PLAC9: variants seen among roughly 807,000 people sequenced by gnomAD.
PLAC9 encodes placenta associated 9.
Under a neutral mutation model 11.5 loss-of-function variants are expected in PLAC9, and 12 were observed. That is an observed-to-expected ratio of 1.05 (90% confidence interval 0.67 to 1.69). The LOEUF is 1.69. Among genes scored for constraint, PLAC9 ranks in the 40% most tolerant of loss-of-function variants. The probability of loss-of-function intolerance (pLI) is 0.00; values close to 1 mark genes in which losing one functional copy is unlikely to be tolerated. For missense variants in PLAC9, 132 were observed against 130.5 expected, an observed-to-expected ratio of 1.01 and a Z score of -0.06; for synonymous variants, 62 against 58.1, an observed-to-expected ratio of 1.07 and a Z score of -0.31.
chr10:80,139,905 T>A (rs917567719), intron 1 of PLAC9, among the ~76,000 whole-genome samples: 41 of 152,174 alleles, frequency 2.7e-4, no homozygotes, highest in African/African-American at 9.4e-4. Context: ...GTCACTATTT[T>A]AATGTCTGTG....
At chr10:80,141,792 A>T (rs1371550523) in intron 1 of PLAC9, among the ~76,000 whole-genome samples, 8 of 151,622 alleles carry the variant, frequency 5.3e-5, no homozygotes, top group African/African-American at 1.7e-4. Context: ...GCTCTTTCAG[A>T]CCTCTCCATT....
chr10:80,133,407 G>A (rs1201734409), intron 1 of PLAC9, among the ~76,000 whole-genome samples: 1 of 152,228 alleles, frequency 6.6e-6, no homozygotes, highest in Non-Finnish European at 1.5e-5. Flanking sequence ...CATTGCATAA[G>A]AAGCCACACT....
At position 80,132,760 on chromosome 10, in the gene PLAC9, A is replaced by G; in HGVS notation, c.-3A>G. On this transcript the variant is annotated 5_prime_UTR_variant, in exon 1 of 4. Transcript: ENST00000372263. ...CGGCGCTGCGCTCGGCCAGGCCGGCACCATGCGGCCCCTGCTCTGCGCGCT... is the reference window on the plus strand; with the variant it reads ...CGGCGCTGCGCTCGGCCAGGCCGGCGCCATGCGGCCCCTGCTCTGCGCGCT... 1 of 1,475,398 alleles carries G rather than the reference A, an allele frequency of 6.8e-7. No homozygotes were observed. Among genetic ancestry groups the G allele is most frequent in the Non-Finnish European group, 8.9e-7 (1 of 1,121,898 alleles). 91.4% of individuals were successfully genotyped at this position (1,475,398 alleles called of 1,614,324 possible).
chr10:80,133,774 C>G (rs1369006661), intron 1 of PLAC9, among the ~76,000 whole-genome samples: 1 of 152,052 alleles, frequency 6.6e-6, no homozygotes, highest in Non-Finnish European at 1.5e-5. Context: ...GAAATGCTGT[C>G]TCTATTAAAA....
intron 2 of PLAC9, among the ~76,000 whole-genome samples, chr10:80,142,825 C>T (rs1224761666): frequency 4.6e-5 from 7 of 151,898 alleles, no homozygotes; most frequent in African/African-American, 1.7e-4. Context: ...CTCAAGCAAT[C>T]CTCCCACCTC....
At chr10:80,144,394 G>C (rs753016992) in intron 3 of PLAC9, 51 bp downstream of exon 3, 2 of 1,526,288 alleles carry the variant, frequency 1.3e-6, no homozygotes, top group Non-Finnish European at 1.8e-6. Context: ...GTCATCTGGC[G>C]CTGGGCAGGC....
In PLAC9 at chr10:80,142,139, G is replaced by C; in HGVS notation, c.122G>C (p.Arg41Thr). 6.2e-7 allele frequency: 1 copy of C among 1,611,138 alleles called. No homozygotes were observed. Among genetic ancestry groups the C allele is most frequent in the Non-Finnish European group, 8.5e-7 (1 of 1,177,666 alleles). Reference sequence around the variant, plus strand: ...TCAGCTCAGAGCACAGCGTGTGACAGACACATGGCTGTGCAACGCCGTCTA... The same window carrying C: ...TCAGCTCAGAGCACAGCGTGTGACACACACATGGCTGTGCAACGCCGTCTA... Reference protein sequence around the residue: ...GDSAQSTACDRHMAVQRRLDV... With the variant: ...GDSAQSTACDTHMAVQRRLDV... Residue 41 changes from arginine (R) to threonine (T), a missense_variant, in exon 2 of 4, where the codon AGA becomes ACA. Transcript: ENST00000372263.
intron 1 of PLAC9, among the ~76,000 whole-genome samples, chr10:80,133,038 G>A (rs1844931086): frequency 1.3e-5 from 2 of 152,202 alleles, no homozygotes; most frequent in South Asian, 4.1e-4. Context: ...AGATAAAGGA[G>A]ATAGGGAAGA....
chr10:80,138,058 C>T (rs1321582414), intron 1 of PLAC9, among the ~76,000 whole-genome samples: 2 of 152,198 alleles, frequency 1.3e-5, no homozygotes, highest in Non-Finnish European at 2.9e-5. Flanking sequence ...TACATGAATG[C>T]CTGCAGCCCA....
intron 1 of PLAC9, among the ~76,000 whole-genome samples, chr10:80,135,014 G>GTTTGTTTATTTATTTA (rs141851880): frequency 1.3e-5 from 2 of 149,356 alleles, no homozygotes; most frequent in East Asian, 2.0e-4. Flanking sequence ...TTGTTTGTTT[G>GTTTGTTTATTTATTTA]TTTATTTATT....
intron 3 of PLAC9, 142 bp from the exon 4 acceptor site, chr10:80,144,758 C>T: frequency 1.2e-6 from 1 of 861,066 alleles, no homozygotes; most frequent in Non-Finnish European, 1.7e-6. Context: ...GGGTTGCACT[C>T]TGCTCTCTCC....
chr10:80,140,564 C>T (rs2132336616), intron 1 of PLAC9, among the ~76,000 whole-genome samples: 1 of 152,328 alleles, frequency 6.6e-6, no homozygotes, highest in East Asian at 1.9e-4. Context: ...TGTCAGCGTT[C>T]TCCAAGGTTC....
intron 1 of PLAC9, among the ~76,000 whole-genome samples, chr10:80,141,574 G>A (rs1845040196): frequency 1.3e-5 from 2 of 152,054 alleles, no homozygotes; most frequent in South Asian, 4.2e-4. Flanking sequence ...ACTCCAGCCT[G>A]GGCGACAGAG....
chr10:80,133,828 C>A (rs763986912), intron 1 of PLAC9, among the ~76,000 whole-genome samples: 1 of 151,742 alleles, frequency 6.6e-6, no homozygotes, highest in Non-Finnish European at 1.5e-5. Context: ...CCTGTAGTCC[C>A]AGCTACTCGG....
At chr10:80,139,537 G>A (rs372601292) in intron 1 of PLAC9, among the ~76,000 whole-genome samples, 16 of 152,162 alleles carry the variant, frequency 1.1e-4, no homozygotes, top group Admixed American at 3.3e-4. Context: ...GGGAGGACTC[G>A]TGCTTCCAGG....
chr10:80,144,146 G>A, intron 2 of PLAC9, 77 bp from the exon 3 acceptor site: 1 of 1,601,656 alleles, frequency 6.2e-7, no homozygotes, highest in Non-Finnish European at 8.5e-7. Flanking sequence ...ACCGCCAGCT[G>A]CTCTCTTAGG....
At chr10:80,131,920 A>C (rs928786917), upstream of PLAC9, 2 of 152,228 alleles carry the variant, frequency 1.3e-5, no homozygotes, top group African/African-American at 4.8e-5. Flanking sequence ...CGAGACACTC[A>C]CTCAGGGCTC....
At chr10:80,136,968 C>T (rs1844986666) in intron 1 of PLAC9, among the ~76,000 whole-genome samples, 1 of 152,178 alleles carries the variant, frequency 6.6e-6, no homozygotes, top group African/African-American at 2.4e-5. Flanking sequence ...TCTCACAATC[C>T]CACAATCATT....
intron 1 of PLAC9, among the ~76,000 whole-genome samples, chr10:80,133,816 T>G (rs1484642656): frequency 1.3e-5 from 2 of 151,988 alleles, no homozygotes; most frequent in Non-Finnish European, 2.9e-5. Context: ...TGGTGGCACA[T>G]GCCTGTAGTC....
Sources: allele counts gnomAD v4.1 joint callset (sites outside exome capture counted in the v4.1 genomes callset), GRCh38; gene constraint gnomAD v4.1.1; transcripts MANE v1.5; gene names NCBI Gene and HGNC (gene_info 2026-07-23, HGNC 2026-07-21).